GPC5: variants seen among roughly 807,000 people sequenced by gnomAD.
The protein encoded by GPC5 is glypican-5.
GPC5 carries 47 observed loss-of-function variants against 53.9 expected under a neutral mutation model. That is an observed-to-expected ratio of 0.87 (90% CI 0.69 to 1.11). The LOEUF (loss-of-function observed/expected upper bound fraction) is 1.11. Ranked by LOEUF, GPC5 falls within the 50% of genes most tolerant of loss-of-function variation. The pLI is 0.00. For missense variants in GPC5, 748 were observed against 713.1 expected, an observed-to-expected ratio of 1.05 and a Z score of -0.56; for synonymous variants, 286 against 263.3, an observed-to-expected ratio of 1.09 and a Z score of -0.84.
At chr13:91,844,931 A>G (rs2038831427) in intron 5 of GPC5, among the ~76,000 whole-genome samples, 1 of 152,112 alleles carries the variant, frequency 6.6e-6, no homozygotes, top group Non-Finnish European at 1.5e-5. Flanking sequence ...TGTGTTAGAA[A>G]AATATCAAGT....
intron 7 of GPC5, among the ~76,000 whole-genome samples, chr13:92,622,049 C>G (rs893802648): frequency 6.6e-6 from 1 of 152,188 alleles, no homozygotes; most frequent in Non-Finnish European, 1.5e-5. Flanking sequence ...CATGTCCATT[C>G]TCTATCTGGT....
intron 2 of GPC5, among the ~76,000 whole-genome samples, chr13:91,628,268 C>G (rs2034061818): frequency 6.6e-6 from 1 of 150,744 alleles, no homozygotes; most frequent in African/African-American, 2.4e-5. Flanking sequence ...CTTTTTTTTT[C>G]CATTAAGTTA....
chr13:91,808,745 C>T (rs1419426566), intron 5 of GPC5, among the ~76,000 whole-genome samples: 1 of 152,150 alleles, frequency 6.6e-6, no homozygotes, highest in East Asian at 1.9e-4. Context: ...CTGCTTAGGA[C>T]ACGGCTTGTC....
chr13:92,081,226 T>C (rs960509971), intron 6 of GPC5, among the ~76,000 whole-genome samples: 2 of 152,212 alleles, frequency 1.3e-5, no homozygotes, highest in South Asian at 2.1e-4. Context: ...CTCAGTCTTA[T>C]GAGTAGCTGG....
intron 2 of GPC5, among the ~76,000 whole-genome samples, chr13:91,578,768 G>A (rs1447737893): frequency 3.3e-5 from 5 of 152,072 alleles, no homozygotes; most frequent in East Asian, 3.9e-4. Flanking sequence ...ATTTTAGGCC[G>A]GGTGCGGTGG....
chr13:92,053,352 T>C (rs1382329732), intron 6 of GPC5, among the ~76,000 whole-genome samples: 1 of 152,206 alleles, frequency 6.6e-6, no homozygotes, highest in Non-Finnish European at 1.5e-5. Flanking sequence ...GTGTCTGTGC[T>C]CTTCACCTTT....
intron 7 of GPC5, among the ~76,000 whole-genome samples, chr13:92,262,138 C>G (rs183221363): frequency 4.6e-5 from 7 of 152,218 alleles, no homozygotes; most frequent in Admixed American, 3.3e-4. Flanking sequence ...CCTTTTCCTT[C>G]CAGTACTTCT....
chr13:91,588,962 C>T (rs994492270), intron 2 of GPC5, among the ~76,000 whole-genome samples: 1 of 152,106 alleles, frequency 6.6e-6, no homozygotes, highest in African/African-American at 2.4e-5. Context: ...TTAATATAGT[C>T]ACTGAATAAT....
Position 92,571,476 on chromosome 13 carries a change from C to T in GPC5, c.1562-294806C>T, listed in dbSNP as rs568710260. On this transcript the variant is annotated intron_variant, in intron 7 of 7. Transcript: ENST00000377067. ...TTCAATTGTATATATTTCCCAATAA[C>T]CTGATTAATTATATATATTTCCCAA... 5.3e-5 allele frequency among the ~76,000 whole-genome samples: 8 copies of T among 152,166 alleles called. No homozygotes were observed. The East Asian group carries it at 1.4e-3, about 26-fold the overall frequency.
chr13:92,754,756 A>G (rs375124337), intron 7 of GPC5, among the ~76,000 whole-genome samples: 14 of 151,296 alleles, frequency 9.3e-5, no homozygotes, highest in East Asian at 3.9e-4. Context: ...ATGGTAAAGG[A>G]ATCAATTCAA....
intron 7 of GPC5, among the ~76,000 whole-genome samples, chr13:92,485,508 C>G (rs1294602878): frequency 1.3e-5 from 2 of 152,058 alleles, no homozygotes; most frequent in Admixed American, 1.3e-4. Context: ...AAAAAAATCA[C>G]TTTCTTATAT....
chr13:91,604,304 AG>A (rs1161267829), intron 2 of GPC5, among the ~76,000 whole-genome samples: 1 of 144,476 alleles, frequency 6.9e-6, no homozygotes, highest in Non-Finnish European at 1.5e-5. Flanking sequence ...ATGGCTGCAT[AG>A]TATTCCATGG....
intron 2 of GPC5, among the ~76,000 whole-genome samples, chr13:91,576,478 T>C (rs1283835212): frequency 6.6e-6 from 1 of 152,074 alleles, no homozygotes; most frequent in Non-Finnish European, 1.5e-5. Flanking sequence ...GTAAGTATAT[T>C]GGGAAAAATA....
intron 5 of GPC5, among the ~76,000 whole-genome samples, chr13:91,823,716 G>T (rs2038531372): frequency 6.6e-6 from 1 of 151,948 alleles, no homozygotes; most frequent in Non-Finnish European, 1.5e-5. Flanking sequence ...ACCAATTTTT[G>T]CTATAAAACA....
At chr13:91,798,471 C>T (rs549724725) in intron 5 of GPC5, among the ~76,000 whole-genome samples, 8 of 152,224 alleles carry the variant, frequency 5.3e-5, no homozygotes, top group East Asian at 1.9e-4. Flanking sequence ...ATTAGTTTGC[C>T]GAGGATAACA....
At chr13:91,467,404 C>T (rs1479278949) in intron 2 of GPC5, among the ~76,000 whole-genome samples, 1 of 152,154 alleles carries the variant, frequency 6.6e-6, no homozygotes, top group Admixed American at 6.6e-5. Flanking sequence ...AGCTTGGAGA[C>T]ATGCAATTCC....
chr13:92,094,795 A>G (rs1302150469), intron 6 of GPC5, among the ~76,000 whole-genome samples: 1 of 151,406 alleles, frequency 6.6e-6, no homozygotes, highest in Non-Finnish European at 1.5e-5. Context: ...TTTTATTCCA[A>G]TTCTTTTGTT....
intron 6 of GPC5, among the ~76,000 whole-genome samples, chr13:92,120,994 G>A (rs940114088): frequency 1.3e-5 from 2 of 152,168 alleles, no homozygotes; most frequent in East Asian, 1.9e-4. Context: ...AAGACCACTA[G>A]TTCTTCAATT....
chr13:92,388,723 C>A (rs1198321515), intron 7 of GPC5, among the ~76,000 whole-genome samples: 1 of 152,058 alleles, frequency 6.6e-6, no homozygotes. Context: ...TGGTTATTAT[C>A]AGCAAGCAAA....
Sources: allele counts gnomAD v4.1 joint callset (sites outside exome capture counted in the v4.1 genomes callset), GRCh38; gene constraint gnomAD v4.1.1; transcripts MANE v1.5; gene names NCBI Gene and HGNC (gene_info 2026-07-23, HGNC 2026-07-21).